The following SF3B3 variants were observed in gnomAD, a reference collection of about 807,000 sequenced individuals.
SF3B3 encodes the protein SAP 130.
In SF3B3, 33 loss-of-function variants were observed where a neutral mutation model predicts 139.2. The ratio of observed to expected loss-of-function variants is 0.24; its 90% CI spans 0.18 to 0.32. The LOEUF is 0.32. Among genes scored for constraint, SF3B3 ranks in the 10% least tolerant of loss-of-function variants. The pLI, the probability that SF3B3 is intolerant of heterozygous loss-of-function variation, is 1.00. For missense variants in SF3B3, 818 were observed against 1,509.4 expected, an observed-to-expected ratio of 0.54 and a Z score of 7.59; for synonymous variants, 596 against 563.6, an observed-to-expected ratio of 1.06 and a Z score of -0.81.
intron 10 of SF3B3, among the ~76,000 whole-genome samples, chr16:70,546,380 G>A (rs1231446014): frequency 1.3e-5 from 2 of 152,190 alleles, no homozygotes; most frequent in Non-Finnish European, 2.9e-5. Flanking sequence ...GGCTGGGCAC[G>A]GTGGCGCACG....
intron 21 of SF3B3, 41 bp from the exon 22 acceptor site, chr16:70,568,242 A>G (rs1387076816): frequency 6.7e-7 from 1 of 1,501,792 alleles, no homozygotes; most frequent in East Asian, 2.3e-5. Flanking sequence ...TCTGAACCCC[A>G]AGATTACACC....
rs2050544477 is a variant in SF3B3 at position 70,573,030 on chromosome 16, G to A, written c.*1217G>A. 1 of 152,182 alleles carries A rather than the reference G, an allele frequency of 6.6e-6. No individual in the cohort carries two copies. Among genetic ancestry groups the A allele is most frequent in the African/African-American group, 2.4e-5 (1 of 41,440 alleles). The allele number at this position is 152,182 out of a possible 1,614,324, so 9.4% of individuals were successfully genotyped here. On this transcript the variant is annotated 3_prime_UTR_variant, in exon 26 of 26. Coordinates refer to ENST00000302516, the MANE Select transcript of SF3B3 (RefSeq NM_012426.5). ...GAGCAAATGATCTGGTGAGCACTGG[G>A]TTAGAATCAGGAATGGTGGAATACA...
chr16:70,544,645 A>C, intron 10 of SF3B3, 112 bp downstream of exon 10: 1 of 677,746 alleles, frequency 1.5e-6, no homozygotes, highest in South Asian at 1.8e-5. Flanking sequence ...TCTGTGAAAA[A>C]GTATGTTCTT....
Position 70,570,015 on chromosome 16 carries a change from A to G in SF3B3, c.3274A>G (p.Ile1092Val). ...LNGASQKAEV[I>V]MNYHVGETVL... Reference sequence around the variant, plus strand: ...TGTTTGTGACTCACAGGCAGAGGTGATCATGAACTACCATGTCGGGGAGAC... The same window carrying G: ...TGTTTGTGACTCACAGGCAGAGGTGGTCATGAACTACCATGTCGGGGAGAC... Residue 1092 changes from isoleucine (I) to valine (V), a missense_variant, in exon 24 of 26, where the codon ATC (isoleucine) becomes GTC (valine). Coordinates refer to ENST00000302516, the MANE Select transcript of SF3B3 (RefSeq NM_012426.5). 2 of 1,614,078 alleles carry G rather than the reference A, an allele frequency of 1.2e-6. No homozygotes were observed. Among genetic ancestry groups the G allele is most frequent in the Middle Eastern group, 1.7e-4 (1 of 6,048 alleles).
intron 6 of SF3B3, among the ~76,000 whole-genome samples, chr16:70,536,525 C>T (rs59473869): frequency 0.031 from 4,630 of 151,700 alleles, 233 homozygotes; most frequent in African/African-American, 0.1. Flanking sequence ...CCACCACGCC[C>T]GGCTAATTTT....
At chr16:70,551,206 G>A (rs755896074) in intron 11 of SF3B3, among the ~76,000 whole-genome samples, 9 of 152,104 alleles carry the variant, frequency 5.9e-5, no homozygotes, top group Non-Finnish European at 1.3e-4. Context: ...CCTCCTCTGG[G>A]GTCCTTAGCA....
At chr16:70,544,349 C>A in intron 9 of SF3B3, 89 bp from the exon 10 acceptor site, 1 of 744,112 alleles carries the variant, frequency 1.3e-6, no homozygotes, top group South Asian at 1.6e-5. Context: ...TATTGGAAAG[C>A]AGCTGGATGT....
intron 7 of SF3B3, 76 bp downstream of exon 7, chr16:70,538,536 T>TA (rs1254196808): frequency 2.3e-6 from 3 of 1,297,430 alleles, no homozygotes; most frequent in Middle Eastern, 1.9e-4. Context: ...CTTTACAAGT[T>TA]AAAAAAATGA....
At position 70,574,565 on chromosome 16, in the gene SF3B3, C is replaced by G. The variant is rs767233598; in HGVS notation, c.*2752C>G. Reference sequence around the variant, plus strand: ...CCAGGCTAGAGGGCTGTGGTGCGATCTCAGCCCACTGCAACCTCTATCTCC... The same window carrying G: ...CCAGGCTAGAGGGCTGTGGTGCGATGTCAGCCCACTGCAACCTCTATCTCC... On this transcript the variant is annotated 3_prime_UTR_variant, in exon 26 of 26. Coordinates refer to ENST00000302516, the MANE Select transcript of SF3B3 (RefSeq NM_012426.5). The G allele has an allele frequency of 1.7e-4, 26 of 152,234 alleles. No individual in the cohort carries two copies. Among genetic ancestry groups the G allele is most frequent in the Non-Finnish European group, 2.5e-4 (17 of 68,050 alleles). The allele number at this position is 152,234 out of a possible 1,614,324, so 9.4% of individuals were successfully genotyped here. A position where few individuals can be genotyped will look rare whatever the true frequency, so the allele number is the denominator to read the frequency against.
At chr16:70,546,014 G>A (rs1444457367) in intron 10 of SF3B3, among the ~76,000 whole-genome samples, 2 of 152,076 alleles carry the variant, frequency 1.3e-5, no homozygotes, top group African/African-American at 2.4e-5. Flanking sequence ...GTTTTTTTGA[G>A]TGCAGTGGTG....
At chr16:70,561,896 C>G (rs754303559) in intron 17 of SF3B3, 112 bp downstream of exon 17, 2 of 855,514 alleles carry the variant, frequency 2.3e-6, no homozygotes, top group Admixed American at 2.4e-5. Flanking sequence ...GAGCCGACTT[C>G]ACCATGAAGC....
At chr16:70,558,752 C>T (rs768531621) in intron 15 of SF3B3, among the ~76,000 whole-genome samples, 2 of 152,066 alleles carry the variant, frequency 1.3e-5, no homozygotes, top group Admixed American at 1.3e-4. Context: ...TGCACCACTA[C>T]GCCCGGCTAA....
intron 11 of SF3B3, among the ~76,000 whole-genome samples, chr16:70,553,091 A>C (rs763425192): frequency 9.2e-5 from 14 of 151,968 alleles, no homozygotes; most frequent in Admixed American, 2.0e-4. Context: ...ATTTTATTTT[A>C]TTTATTTTTT....
rs770603783 is a variant in SF3B3 at position 70,535,395 on chromosome 16, T to A, written c.800T>A (p.Ile267Asn). The change falls in exon 6 of 26, where the codon ATC becomes AAC. Residue 267 changes from isoleucine (I) to asparagine (N), a missense_variant. Around this residue, in one of 14 missense-constraint regions of SF3B3, gnomAD observed 80 missense variants for 206.5 expected, o/e 0.39. Coordinates refer to ENST00000302516, the MANE Select transcript of SF3B3 (RefSeq NM_012426.5). ...TYKNFGDQPD[I>N]RCPIPRRRND... Reference sequence around the variant, plus strand: ...AAGAACTTTGGTGACCAGCCAGATATCCGCTGTCCAATTCCCAGGAGGCGG... The same window carrying A: ...AAGAACTTTGGTGACCAGCCAGATAACCGCTGTCCAATTCCCAGGAGGCGG... The A allele has an allele frequency of 6.2e-7, 1 of 1,608,332 alleles. No individual in the cohort carries two copies. Among genetic ancestry groups the A allele is most frequent in the East Asian group, 2.2e-5 (1 of 44,720 alleles).
chr16:70,571,986 C>A lies in SF3B3; in HGVS notation c.*173C>A. 1.2e-6 allele frequency: 1 copy of A among 801,982 alleles called. No homozygotes were observed. The highest frequency in any genetic ancestry group is 1.6e-5 in the South Asian group (1 of 62,870). The allele number at this position is 801,982 out of a possible 1,614,324, so 49.7% of individuals were successfully genotyped here. A position where few individuals can be genotyped will look rare whatever the true frequency, so the allele number is the denominator to read the frequency against. Reference sequence around the variant, plus strand: ...TCTTCTCCTGGAATGACTGGCTTCCCCTCAAATTGGCACTGAGATTTGCTA... The same window carrying A: ...TCTTCTCCTGGAATGACTGGCTTCCACTCAAATTGGCACTGAGATTTGCTA... On this transcript the variant is annotated 3_prime_UTR_variant, in exon 26 of 26. Transcript: ENST00000302516.
At chr16:70,546,262 C>T (rs1038195830) in intron 10 of SF3B3, among the ~76,000 whole-genome samples, 5 of 152,188 alleles carry the variant, frequency 3.3e-5, no homozygotes, top group East Asian at 3.8e-4. Context: ...TGAGCCACCG[C>T]GCCTGGCCAA....
chr16:70,571,033 G>A lies in SF3B3; in HGVS notation c.3409-62G>A, dbSNP rs1386038906. On this transcript the variant is annotated intron_variant, in intron 24 of 25. Transcript: ENST00000302516. The stretch of plus-strand genomic sequence containing the variant: ...AATGGCTTGTCTGTTCGTTGTGCTT[G>A]TGGAAACTCTAGACTAGTTGAAATC... 5.5e-6 allele frequency: 6 copies of A among 1,092,192 alleles called. No individual in the cohort carries two copies. In the East Asian group the frequency reaches 1.4e-4, roughly 26 times the overall value. 67.7% of individuals were successfully genotyped at this position (1,092,192 alleles called of 1,614,324 possible).
At chr16:70,568,865 C>G (rs1311969860) in intron 22 of SF3B3, among the ~76,000 whole-genome samples, 178 bp from the exon 23 acceptor site, 1 of 152,220 alleles carries the variant, frequency 6.6e-6, no homozygotes, top group Non-Finnish European at 1.5e-5. Flanking sequence ...TTTTGAGTTT[C>G]TTGCTCCTCA....
intron 9 of SF3B3, among the ~76,000 whole-genome samples, chr16:70,543,405 T>C (rs1351565095): frequency 1.7e-5 from 2 of 117,240 alleles, no homozygotes; most frequent in Non-Finnish European, 3.6e-5. Context: ...CGAAACCCCG[T>C]CTCAAAAAAG....
Sources: allele counts gnomAD v4.1 joint callset (sites outside exome capture counted in the v4.1 genomes callset), GRCh38; gene constraint gnomAD v4.1.1; regional missense constraint gnomAD v4.1.1; transcripts MANE v1.5; gene names NCBI Gene and HGNC (gene_info 2026-07-23, HGNC 2026-07-21).